Variants in ELMOD1 observed in about 807,000 individuals in gnomAD.
The protein encoded by ELMOD1 is ELMO domain-containing protein 1.
A neutral mutation model predicts 46.7 loss-of-function variants in ELMOD1; 21 were observed. That is an observed-to-expected ratio of 0.45 (90% CI 0.32 to 0.65). ELMOD1 has a LOEUF of 0.65. Among genes scored for constraint, ELMOD1 ranks in the 30% least tolerant of loss-of-function variants. The pLI, the probability that ELMOD1 is intolerant of heterozygous loss-of-function variation, is 0.04. For missense variants in ELMOD1, 348 were observed against 407.8 expected, an observed-to-expected ratio of 0.85 and a Z score of 1.26; for synonymous variants, 122 against 138.2, an observed-to-expected ratio of 0.88 and a Z score of 0.82.
At chr11:107,650,251 A>G (rs145992553) in intron 7 of ELMOD1, 84 bp from the exon 8 acceptor site, 11 of 1,012,094 alleles carry the variant, frequency 1.1e-5, no homozygotes, top group Non-Finnish European at 1.5e-5. Flanking sequence ...TCTGGATTCA[A>G]AATGACCTCG....
At position 107,602,726 on chromosome 11, in the gene ELMOD1, CT is replaced by C. The variant is rs71047612; in HGVS notation, c.-86+11329del. Among the ~76,000 whole-genome samples, 376 of 144,566 alleles carry C rather than the reference CT, an allele frequency of 2.6e-3. 4 individuals carry two copies. In the South Asian group the frequency reaches 0.033, roughly 13 times the overall value. The allele number at this position is 144,566 out of a possible 152,430, so 94.8% of individuals were successfully genotyped here. A position where few individuals can be genotyped will look rare whatever the true frequency, so the allele number is the denominator to read the frequency against. ...ATTGTTTCTTGTTCTTTCAGATTCCCTTTTTTTTTTTTCCTCCTTCTTTGCT... is the reference window on the plus strand; with the variant it reads ...ATTGTTTCTTGTTCTTTCAGATTCCCTTTTTTTTTTTCCTCCTTCTTTGCT... On this transcript the variant is annotated intron_variant, in intron 1 of 11. Transcript: ENST00000265840.
Position 107,593,986 on chromosome 11 carries a change from A to G in ELMOD1, c.-86+2577A>G, listed in dbSNP as rs548308818. On this transcript the variant is annotated intron_variant, in intron 1 of 11. Transcript: ENST00000265840. The stretch of plus-strand genomic sequence containing the variant: ...CTTAAAAGTGAACAGTTTCACTTCA[A>G]CACATATTGGTTGGGTATCTCTGCT... Among the ~76,000 whole-genome samples, 6 of 152,328 alleles carry G rather than the reference A, an allele frequency of 3.9e-5. No individual in the cohort carries two copies. The East Asian group carries it at 7.7e-4, about 20-fold the overall frequency.
chr11:107,617,966 C>T, intron 1 of ELMOD1, 139 bp from the exon 2 acceptor site: 1 of 581,070 alleles, frequency 1.7e-6, no homozygotes, highest in Non-Finnish European at 3.1e-6. Flanking sequence ...CATTGAATTG[C>T]ATTGCTCTGT....
At position 107,628,074 on chromosome 11, in the gene ELMOD1, A is replaced by T. The variant is rs190901594; in HGVS notation, c.18-2343A>T. ...ATTTTGCTGGGGACCAGTTAACAAG[A>T]TATTGCTCAATCTTTTTTTTTTTTT... is the stretch of plus-strand genomic sequence containing the variant. On this transcript the variant is annotated intron_variant, in intron 2 of 11. Coordinates refer to ENST00000265840, the MANE Select transcript of ELMOD1 (RefSeq NM_018712.4). 2.7e-3 allele frequency among the ~76,000 whole-genome samples: 412 copies of T among 151,768 alleles called. 5 individuals carry two copies. The highest frequency in any genetic ancestry group is 9.4e-3 in the African/African-American group (391 of 41,384).
At chr11:107,632,653 C>G (rs1866160373) in intron 5 of ELMOD1, among the ~76,000 whole-genome samples, 1 of 152,112 alleles carries the variant, frequency 6.6e-6, no homozygotes, top group Middle Eastern at 3.2e-3. Flanking sequence ...CTTTTTGAAA[C>G]CTTCTAACAT....
intron 1 of ELMOD1, among the ~76,000 whole-genome samples, chr11:107,593,713 T>TA (rs1244530237): frequency 6.6e-6 from 1 of 152,224 alleles, no homozygotes; most frequent in African/African-American, 2.4e-5. Context: ...TTATTGTTTT[T>TA]ACCTATGTCC....
At chr11:107,606,641 C>A (rs1171829483) in intron 1 of ELMOD1, among the ~76,000 whole-genome samples, 1 of 152,182 alleles carries the variant, frequency 6.6e-6, no homozygotes, top group African/African-American at 2.4e-5. Flanking sequence ...TCAAGACCAG[C>A]CTGGCCAACA....
chr11:107,665,331 T>C lies in ELMOD1; in HGVS notation c.*134T>C. The C allele has an allele frequency of 2.2e-6, 2 of 914,218 alleles. No homozygotes were observed. Among genetic ancestry groups the C allele is most frequent in the Non-Finnish European group, 3.3e-6 (2 of 604,732 alleles). The allele number at this position is 914,218 out of a possible 1,614,324, so 56.6% of individuals were successfully genotyped here. A position where few individuals can be genotyped will look rare whatever the true frequency, so the allele number is the denominator to read the frequency against. The stretch of plus-strand genomic sequence containing the variant: ...TGCCTTTTGGTACAGTGTTTTCATC[T>C]CTTGGTCATAATTCCGAGATCCCCA... On this transcript the variant is annotated 3_prime_UTR_variant, in exon 12 of 12. Transcript: ENST00000265840.
At chr11:107,654,859 T>A in intron 10 of ELMOD1, among the ~76,000 whole-genome samples, 1 of 152,136 alleles carries the variant, frequency 6.6e-6, no homozygotes, top group East Asian at 1.9e-4. Flanking sequence ...TTTATTTTAG[T>A]TTTTTTATAA....
intron 2 of ELMOD1, among the ~76,000 whole-genome samples, chr11:107,626,660 C>CTTTCCCTCTCTCTTTCTT (rs148641048): frequency 1.6e-5 from 2 of 125,316 alleles, no homozygotes; most frequent in Non-Finnish European, 3.1e-5. Flanking sequence ...CTTTCTTTTT[C>CTTTCCCTCTCTCTTTCTT]TTTCTTTCTT....
chr11:107,611,704 CAAAAA>C (rs71470853), intron 1 of ELMOD1, among the ~76,000 whole-genome samples: 4 of 55,790 alleles, frequency 7.2e-5, no homozygotes, highest in Admixed American at 2.4e-4. Context: ...GACTCCATCT[CAAAAA>C]AAAAAAAAAA....
chr11:107,624,380 G>A (rs2135680594), intron 2 of ELMOD1, among the ~76,000 whole-genome samples: 1 of 152,312 alleles, frequency 6.6e-6, no homozygotes, highest in East Asian at 1.9e-4. Context: ...GCCAGGCACG[G>A]CGGCTCATGC....
At chr11:107,654,308 A>G in intron 10 of ELMOD1, 86 bp downstream of exon 10, 1 of 1,143,646 alleles carries the variant, frequency 8.7e-7, no homozygotes, top group South Asian at 1.4e-5. Context: ...ACAAGGGTGA[A>G]ACTCTACTTG....
chr11:107,605,112 G>A (rs79811790), intron 1 of ELMOD1, among the ~76,000 whole-genome samples: 13,106 of 151,444 alleles, frequency 0.087, 575 homozygotes, highest in Middle Eastern at 0.13. Context: ...AAATTCAGAT[G>A]ATTTTGGGGG....
intron 6 of ELMOD1, among the ~76,000 whole-genome samples, chr11:107,645,823 A>T (rs960469609): frequency 4.6e-5 from 7 of 152,346 alleles, no homozygotes; most frequent in Non-Finnish European, 7.4e-5. Context: ...GTATAATGTG[A>T]ATAGTAAGTA....
At chr11:107,624,992 A>G (rs548423981) in intron 2 of ELMOD1, among the ~76,000 whole-genome samples, 89 of 152,318 alleles carry the variant, frequency 5.8e-4, no homozygotes, top group African/African-American at 1.6e-3. Flanking sequence ...GCCCCACACT[A>G]TCTGGGCGTG....
At chr11:107,636,218 AT>A (rs2135694816) in intron 6 of ELMOD1, among the ~76,000 whole-genome samples, 1 of 152,206 alleles carries the variant, frequency 6.6e-6, no homozygotes, top group East Asian at 1.9e-4. Context: ...CTGATTATTT[AT>A]GCATGTAACT....
chr11:107,637,623 G>A (rs1304086263), intron 6 of ELMOD1, among the ~76,000 whole-genome samples: 1 of 151,956 alleles, frequency 6.6e-6, no homozygotes, highest in Non-Finnish European at 1.5e-5. Flanking sequence ...AACCCAGGAG[G>A]CGGAGGTTGC....
chr11:107,661,458 C>A (rs1252864921), intron 11 of ELMOD1, among the ~76,000 whole-genome samples: 1 of 152,102 alleles, frequency 6.6e-6, no homozygotes, highest in Non-Finnish European at 1.5e-5. Context: ...TCATTGTCAA[C>A]AGGAGAAAAG....
Sources: allele counts gnomAD v4.1 joint callset (sites outside exome capture counted in the v4.1 genomes callset), GRCh38; gene constraint gnomAD v4.1.1; transcripts MANE v1.5; gene names NCBI Gene and HGNC (gene_info 2026-07-23, HGNC 2026-07-21).